The following EDNRA variants were observed in gnomAD, a reference collection of about 807,000 sequenced individuals.
EDNRA encodes the protein endothelin-1 receptor.
In EDNRA, 11 loss-of-function variants were observed where a neutral mutation model predicts 41.4. The ratio of observed to expected loss-of-function variants is 0.27; its 90% CI spans 0.17 to 0.44. EDNRA has a LOEUF of 0.44. EDNRA is among the 20% of genes least tolerant of loss of function. The pLI is 1.00. For synonymous variants in EDNRA, 172 were observed against 183.0 expected (o/e 0.94, Z 0.49); for missense variants, 294 against 531.0 (o/e 0.55, Z 4.39).
chr4:147,519,706 C>G lies in EDNRA; in HGVS notation c.421-145C>G. On this transcript the variant is annotated intron_variant, in intron 2 of 7. Transcript: ENST00000651419. The surrounding 1 kb of genome is among the most constrained non-coding windows in gnomAD (Gnocchi z 4.1). The stretch of plus-strand genomic sequence containing the variant: ...TTTAAAATACGAAAGAAAAAAATAA[C>G]AATTCTAATACTCTTTTGCTACAGT... 1 of 913,048 alleles carries G rather than the reference C, an allele frequency of 1.1e-6. No individual in the cohort carries two copies. Among genetic ancestry groups the G allele is most frequent in the Non-Finnish European group, 1.5e-6 (1 of 657,156 alleles). 56.6% of individuals were successfully genotyped at this position (913,048 alleles called of 1,614,324 possible).
At chr4:147,529,441 A>T (rs1730670563) in intron 3 of EDNRA, among the ~76,000 whole-genome samples, 1 of 152,192 alleles carries the variant, frequency 6.6e-6, no homozygotes, top group Non-Finnish European at 1.5e-5. Flanking sequence ...AGACAGAAAA[A>T]ACGTCTGAGC....
intron 2 of EDNRA, chr4:147,495,421 C>T (rs1264113118): frequency 6.6e-6 from 1 of 152,156 alleles, no homozygotes; most frequent in Non-Finnish European, 1.5e-5. Flanking sequence ...ACAGAAGTAA[C>T]ACATTGTAAA....
At chr4:147,492,910 C>T (rs1488980201) in intron 2 of EDNRA, 1 of 152,058 alleles carries the variant, frequency 6.6e-6, no homozygotes, top group African/African-American at 2.4e-5. Flanking sequence ...GTCTGGGAAC[C>T]TCATTGCCTT....
intron 3 of EDNRA, among the ~76,000 whole-genome samples, chr4:147,529,908 G>A (rs1730687306): frequency 6.6e-6 from 1 of 152,134 alleles, no homozygotes; most frequent in African/African-American, 2.4e-5. Flanking sequence ...TCATGGAGAT[G>A]TTATCGAGAT....
At chr4:147,536,500 T>C (rs1043836467) in intron 5 of EDNRA, among the ~76,000 whole-genome samples, 3 of 152,288 alleles carry the variant, frequency 2.0e-5, no homozygotes, top group East Asian at 3.9e-4. Context: ...GGGGAAGCTG[T>C]TCATGGATGA....
intron 4 of EDNRA, among the ~76,000 whole-genome samples, chr4:147,533,556 T>G (rs1730822694): frequency 6.6e-6 from 1 of 152,242 alleles, no homozygotes; most frequent in Admixed American, 6.5e-5. Context: ...TTCACAGAAT[T>G]CGTGGTTTTA....
At chr4:147,504,091 G>T (rs892250793) in intron 2 of EDNRA, among the ~76,000 whole-genome samples, 1 of 152,056 alleles carries the variant, frequency 6.6e-6, no homozygotes, top group African/African-American at 2.4e-5. Flanking sequence ...GTTGTACTAT[G>T]TTGTTTTGGT....
intron 7 of EDNRA, among the ~76,000 whole-genome samples, chr4:147,541,441 G>A (rs1731101561): frequency 6.6e-6 from 1 of 152,172 alleles, no homozygotes; most frequent in Admixed American, 6.5e-5. Flanking sequence ...GAGCCTCGAT[G>A]GACATTACAG....
intron 1 of EDNRA, among the ~76,000 whole-genome samples, chr4:147,481,874 A>C (rs1410619417): frequency 2.0e-5 from 3 of 151,190 alleles, no homozygotes; most frequent in Admixed American, 6.6e-5. Flanking sequence ...GTTTGGGGAA[A>C]CCCCCTGTGT....
At chr4:147,514,291 A>G (rs1730023185) in intron 2 of EDNRA, among the ~76,000 whole-genome samples, 1 of 152,032 alleles carries the variant, frequency 6.6e-6, no homozygotes. Context: ...TTCACAACCC[A>G]TCCTGAATAT....
chr4:147,533,027 A>G lies in EDNRA; in HGVS notation c.747+323A>G, dbSNP rs6855898. Among the ~76,000 whole-genome samples the G allele has an allele frequency of 8.5e-3, 591 of 69,784 alleles. 1 individual carries two copies. Among genetic ancestry groups the G allele is most frequent in the African/African-American group, 0.018 (133 of 7,310 alleles). The allele number at this position is 69,784 out of a possible 152,430, so 45.8% of individuals were successfully genotyped here. A position where few individuals can be genotyped will look rare whatever the true frequency, so the allele number is the denominator to read the frequency against. On this transcript the variant is annotated intron_variant, in intron 4 of 7. Coordinates refer to ENST00000651419, the MANE Select transcript of EDNRA (RefSeq NM_001957.4). ...TGTATGTGTGTGTGTGTGTGTGTGT[A>G]TATATATATATACATATGCTATTTG...
chr4:147,510,933 G>T (rs1729897579), intron 2 of EDNRA, among the ~76,000 whole-genome samples: 1 of 152,208 alleles, frequency 6.6e-6, no homozygotes, highest in African/African-American at 2.4e-5. Flanking sequence ...CTAGAGTTCT[G>T]ATATGAAAAT....
intron 2 of EDNRA, among the ~76,000 whole-genome samples, chr4:147,505,642 G>A (rs1422118763): frequency 7.0e-6 from 1 of 143,086 alleles, no homozygotes; most frequent in Non-Finnish European, 1.5e-5. Context: ...CTGCCCCGCC[G>A]GCAGTTTTTT....
intron 7 of EDNRA, among the ~76,000 whole-genome samples, chr4:147,542,158 AC>A (rs567143928): frequency 4.6e-5 from 7 of 150,602 alleles, no homozygotes; most frequent in East Asian, 3.9e-4. Context: ...AAACGCTAGG[AC>A]CCCCCCACCA....
At chr4:147,539,674 A>G (rs1422402016) in intron 5 of EDNRA, 143 bp from the exon 6 acceptor site, 1 of 873,732 alleles carries the variant, frequency 1.1e-6, no homozygotes, top group Admixed American at 2.8e-5. Context: ...GAAGAGGTAG[A>G]GGCAGTGTAA....
intron 3 of EDNRA, among the ~76,000 whole-genome samples, chr4:147,527,779 A>T (rs1730605641): frequency 6.6e-6 from 1 of 152,176 alleles, no homozygotes; most frequent in Non-Finnish European, 1.5e-5. Flanking sequence ...GGCCTATCAC[A>T]TGACAGGGTA....
intron 2 of EDNRA, chr4:147,490,105 A>C: frequency 6.6e-6 from 1 of 151,976 alleles, no homozygotes; most frequent in Non-Finnish European, 1.5e-5. Flanking sequence ...GAAATAACCC[A>C]AAAGATGAAA....
rs1730241271 is a variant in EDNRA at position 147,519,561 on chromosome 4, T to C, written c.421-290T>C. 6.7e-6 allele frequency among the ~76,000 whole-genome samples: 1 copy of C among 149,026 alleles called. No homozygotes were observed. Among genetic ancestry groups the C allele is most frequent in the African/African-American group, 2.4e-5 (1 of 40,924 alleles). ...TAATATATTTAATATATATGTATTATATTAATACACTATATTGATTTTTAT... is the reference window on the plus strand; with the variant it reads ...TAATATATTTAATATATATGTATTACATTAATACACTATATTGATTTTTAT... On this transcript the variant is annotated intron_variant, in intron 2 of 7. Transcript: ENST00000651419. This position sits in a 1 kb window ranked among gnomAD's most constrained non-coding sequence, Gnocchi z 4.1.
chr4:147,536,778 A>C (rs555494080), intron 5 of EDNRA, among the ~76,000 whole-genome samples: 10 of 152,178 alleles, frequency 6.6e-5, no homozygotes, highest in Non-Finnish European at 1.5e-4. Flanking sequence ...TAGGAGGCTA[A>C]TGTTGGTCCC....
Sources: allele counts gnomAD v4.1 joint callset (sites outside exome capture counted in the v4.1 genomes callset), GRCh38; gene constraint gnomAD v4.1.1; non-coding constraint Gnocchi (gnomAD v3.1); transcripts MANE v1.5; gene names NCBI Gene and HGNC (gene_info 2026-07-23, HGNC 2026-07-21).